GIPC2: variants seen among roughly 807,000 people sequenced by gnomAD.
GIPC2 encodes PDZ domain-containing protein GIPC2.
Under a neutral mutation model 30.6 loss-of-function variants are expected in GIPC2, and 30 were observed. The ratio of observed to expected loss-of-function variants is 0.98; its 90% CI spans 0.73 to 1.33. The LOEUF is 1.33. Ranked by LOEUF, GIPC2 falls within the 40% of genes most tolerant of loss-of-function variation. GIPC2 has a pLI of 0.00. For synonymous variants in GIPC2, 167 were observed against 150.0 expected (o/e 1.11, Z -0.83); for missense variants, 414 against 390.3 (o/e 1.06, Z -0.51).
At chr1:78,106,261 G>A (rs1367974175) in intron 3 of GIPC2, among the ~76,000 whole-genome samples, 1 of 142,942 alleles carries the variant, frequency 7.0e-6, no homozygotes, top group Non-Finnish European at 1.5e-5. Flanking sequence ...AGAAAAAAAT[G>A]TGAAAAGGCA....
chr1:78,124,199 T>C (rs1481886663), intron 4 of GIPC2, among the ~76,000 whole-genome samples: 1 of 152,228 alleles, frequency 6.6e-6, no homozygotes, highest in Admixed American at 6.5e-5. Context: ...GAGCAGAATT[T>C]ACCAAATATT....
At chr1:78,086,365 T>G (rs971431199) in intron 2 of GIPC2, among the ~76,000 whole-genome samples, 29 of 152,302 alleles carry the variant, frequency 1.9e-4, no homozygotes, top group Admixed American at 3.9e-4. Flanking sequence ...TTTTAGAGTA[T>G]ATACCATGTG....
intron 3 of GIPC2, among the ~76,000 whole-genome samples, chr1:78,117,438 G>C (rs367563261): frequency 6.6e-6 from 1 of 152,184 alleles, no homozygotes; most frequent in South Asian, 2.1e-4. Flanking sequence ...AGGAGAGAAT[G>C]GTTTTGGGAT....
chr1:78,095,814 A>G (rs1662127227), intron 3 of GIPC2, among the ~76,000 whole-genome samples: 1 of 152,138 alleles, frequency 6.6e-6, no homozygotes, highest in Non-Finnish European at 1.5e-5. Context: ...ATCAGCGTTA[A>G]AATATCTGTA....
At chr1:78,074,579 G>A (rs1295504420) in intron 1 of GIPC2, among the ~76,000 whole-genome samples, 10 of 152,114 alleles carry the variant, frequency 6.6e-5, no homozygotes, top group Non-Finnish European at 1.5e-4. Flanking sequence ...CACAATTTAC[G>A]TGAGGATCAA....
At chr1:78,089,634 C>T (rs1284974404) in intron 2 of GIPC2, among the ~76,000 whole-genome samples, 1 of 152,056 alleles carries the variant, frequency 6.6e-6, no homozygotes, top group African/African-American at 2.4e-5. Flanking sequence ...GGATGAGCCA[C>T]CATACGTGGC....
intron 1 of GIPC2, among the ~76,000 whole-genome samples, chr1:78,057,442 G>C (rs1373230293): frequency 6.6e-6 from 1 of 152,124 alleles, no homozygotes; most frequent in African/African-American, 2.4e-5. Context: ...GTGAGATTTT[G>C]ATATAGGCAT....
At chr1:78,056,192 T>C (rs1449303285) in intron 1 of GIPC2, among the ~76,000 whole-genome samples, 1 of 152,168 alleles carries the variant, frequency 6.6e-6, no homozygotes, top group Non-Finnish European at 1.5e-5. Flanking sequence ...CAGTAAAACT[T>C]ATGGCTGGGC....
intron 1 of GIPC2, among the ~76,000 whole-genome samples, chr1:78,056,789 T>A (rs1009571660): frequency 6.6e-6 from 1 of 152,234 alleles, no homozygotes; most frequent in Admixed American, 6.5e-5. Context: ...ATCCTGACTT[T>A]CATGGTAATG....
At chr1:78,107,940 A>G (rs2100405274) in intron 3 of GIPC2, among the ~76,000 whole-genome samples, 1 of 152,102 alleles carries the variant, frequency 6.6e-6, no homozygotes, top group African/African-American at 2.4e-5. Flanking sequence ...CTCCTCATTA[A>G]ACAATTTTAT....
intron 1 of GIPC2, among the ~76,000 whole-genome samples, chr1:78,059,838 A>T (rs1661359905): frequency 6.6e-6 from 1 of 152,252 alleles, no homozygotes; most frequent in Non-Finnish European, 1.5e-5. Context: ...CTTGTTAGAG[A>T]CGTGCTAGAC....
At chr1:78,059,687 T>C (rs1366278852) in intron 1 of GIPC2, among the ~76,000 whole-genome samples, 1 of 152,098 alleles carries the variant, frequency 6.6e-6, no homozygotes, top group Non-Finnish European at 1.5e-5. Flanking sequence ...AGAGGATTGC[T>C]TGAGCCCAGG....
chr1:78,086,132 C>T (rs186717758), intron 2 of GIPC2, among the ~76,000 whole-genome samples: 1 of 152,098 alleles, frequency 6.6e-6, no homozygotes, highest in Non-Finnish European at 1.5e-5. Flanking sequence ...TATCTTTGTT[C>T]TCATTAGTTT....
At chr1:78,122,562 CTG>C (rs1662701946) in intron 4 of GIPC2, among the ~76,000 whole-genome samples, 1 of 152,168 alleles carries the variant, frequency 6.6e-6, no homozygotes, top group African/African-American at 2.4e-5. Flanking sequence ...GCAGGAGAAA[CTG>C]TCGCTTTTGA....
intron 3 of GIPC2, among the ~76,000 whole-genome samples, chr1:78,112,288 A>G (rs922019393): frequency 6.6e-6 from 1 of 152,144 alleles, no homozygotes; most frequent in African/African-American, 2.4e-5. Flanking sequence ...AGCCCACTAC[A>G]GTGTTCCCCC....
In GIPC2 at chr1:78,046,030, G is replaced by T; in HGVS notation, c.-65G>T. 1 of 1,398,358 alleles carries T rather than the reference G, an allele frequency of 7.2e-7. No individual in the cohort carries two copies. The allele number at this position is 1,398,358 out of a possible 1,614,324, so 86.6% of individuals were successfully genotyped here. ...GCGCGGGGCCCGGGGCGCAAAGTCC[G>T]AGGCGCCGGGGGGAGGAGGCGGCGG... On this transcript the variant is annotated 5_prime_UTR_variant, in exon 1 of 6. Coordinates refer to ENST00000370759, the MANE Select transcript of GIPC2 (RefSeq NM_017655.6).
In GIPC2 at chr1:78,103,874, G is replaced by C. The variant is rs929005578; in HGVS notation, c.607+8742G>C. The stretch of plus-strand genomic sequence containing the variant: ...TATGGCAGGTCCCACCAGTAACAGG[G>C]ATCAATGTCCTGTTCTCATGAAAGG... On this transcript the variant is annotated intron_variant, in intron 3 of 5. Coordinates refer to ENST00000370759, the MANE Select transcript of GIPC2 (RefSeq NM_017655.6). 6.6e-5 allele frequency among the ~76,000 whole-genome samples: 10 copies of C among 152,184 alleles called. No individual in the cohort carries two copies. In the East Asian group the frequency reaches 1.5e-3, roughly 23 times the overall value.
intron 2 of GIPC2, among the ~76,000 whole-genome samples, chr1:78,088,803 C>G (rs1027845561): frequency 1.4e-4 from 21 of 151,350 alleles, no homozygotes; most frequent in African/African-American, 4.6e-4. Context: ...CATGATCATG[C>G]CACCACTCTC....
chr1:78,068,239 C>T (rs1159145237), intron 1 of GIPC2, among the ~76,000 whole-genome samples: 1 of 152,128 alleles, frequency 6.6e-6, no homozygotes, highest in Admixed American at 6.5e-5. Flanking sequence ...TATTCTACTT[C>T]TTTCCCCCAC....
Sources: allele counts gnomAD v4.1 joint callset (sites outside exome capture counted in the v4.1 genomes callset), GRCh38; gene constraint gnomAD v4.1.1; transcripts MANE v1.5; gene names NCBI Gene and HGNC (gene_info 2026-07-23, HGNC 2026-07-21).